Variants in IRAK2 observed in about 807,000 individuals in gnomAD.
IRAK2 encodes interleukin-1 receptor-associated kinase-like 2.
IRAK2 carries 57 observed loss-of-function variants against 72.0 expected under a neutral mutation model. The observed-to-expected ratio is 0.79, with a 90% CI of 0.64 to 0.99. The LOEUF (loss-of-function observed/expected upper bound fraction) is 0.99. IRAK2 is among the 50% of genes least tolerant of loss of function. The pLI is 0.00. For synonymous variants in IRAK2, 293 were observed against 312.7 expected, an observed-to-expected ratio of 0.94 and a Z score of 0.67; for missense variants, 790 against 794.4, an observed-to-expected ratio of 0.99 and a Z score of 0.07.
At chr3:10,226,288 A>G in intron 9 of IRAK2, 83 bp from the exon 10 acceptor site, 4 of 1,165,788 alleles carry the variant, frequency 3.4e-6, no homozygotes, top group Non-Finnish European at 2.5e-6. Flanking sequence ...GGAGCTCAGA[A>G]CTGAGAAGAG....
At chr3:10,175,074 A>G (rs1369922667) in intron 1 of IRAK2, among the ~76,000 whole-genome samples, 3 of 151,950 alleles carry the variant, frequency 2.0e-5, no homozygotes, top group Admixed American at 6.6e-5. Flanking sequence ...CACCTGGGCA[A>G]CAGAGTGACA....
Position 10,213,410 on chromosome 3 carries a change from T to G in IRAK2, c.723+9T>G. ...TCAAGAAGCTCAGAGAGGTGAGCAC[T>G]TCTTGGTTTCTAGTGGGGGTGGAGG... On this transcript the variant is annotated intron_variant, in intron 5 of 12. Coordinates refer to ENST00000256458, the MANE Select transcript of IRAK2 (RefSeq NM_001570.4). 1 of 1,613,914 alleles carries G rather than the reference T, an allele frequency of 6.2e-7. No homozygotes were observed.
intron 3 of IRAK2, among the ~76,000 whole-genome samples, chr3:10,208,982 C>T (rs1697476728): frequency 6.6e-6 from 1 of 152,038 alleles, no homozygotes; most frequent in Non-Finnish European, 1.5e-5. Context: ...TACTGCCCCA[C>T]CTCTGCATGG....
At chr3:10,187,398 G>T (rs1159788786) in intron 2 of IRAK2, among the ~76,000 whole-genome samples, 1 of 152,126 alleles carries the variant, frequency 6.6e-6, no homozygotes, top group Non-Finnish European at 1.5e-5. Context: ...TCACCCTCTG[G>T]GTCAGACAGG....
At chr3:10,236,342 GTTT>G (rs34423993) in intron 11 of IRAK2, among the ~76,000 whole-genome samples, 122 of 99,662 alleles carry the variant, frequency 1.2e-3, no homozygotes, top group Middle Eastern at 7.2e-3. Flanking sequence ...AGCCACTAAG[GTTT>G]TTTTTTTTTT....
intron 2 of IRAK2, among the ~76,000 whole-genome samples, chr3:10,184,490 C>CCCTTTTTATCCTCTCCTCTCCACTTTCA: frequency 6.6e-6 from 1 of 151,722 alleles, no homozygotes; most frequent in African/African-American, 2.4e-5. Flanking sequence ...TGATGTGTAG[C>CCCTTTTTATCCTCTCCTCTCCACTTTCA]CTTCTCTAAT....
chr3:10,174,474 G>T (rs1349103710), intron 1 of IRAK2, among the ~76,000 whole-genome samples: 1 of 152,102 alleles, frequency 6.6e-6, no homozygotes, highest in Non-Finnish European at 1.5e-5. Flanking sequence ...TTCATCTCTT[G>T]CCTTCCCTTC....
chr3:10,213,653 G>A, intron 6 of IRAK2, 105 bp downstream of exon 6: 1 of 831,930 alleles, frequency 1.2e-6, no homozygotes, highest in Non-Finnish European at 2.0e-6. Flanking sequence ...AACTCATTTA[G>A]TCCTTACAAG....
intron 1 of IRAK2, among the ~76,000 whole-genome samples, chr3:10,177,455 TA>T (rs1696893682): frequency 6.6e-6 from 1 of 152,070 alleles, no homozygotes; most frequent in Non-Finnish European, 1.5e-5. Flanking sequence ...TCTGGGGAAG[TA>T]ACAGTGAACC....
chr3:10,228,293 T>G lies in IRAK2; in HGVS notation c.1272+1860T>G, dbSNP rs1329041092. ...CAGAAGCATCCCCTGGGCTCTGGGG[T>G]AGGGAGGCTGAAGGCCTCGCTACTC... On this transcript the variant is annotated intron_variant, in intron 10 of 12. Transcript: ENST00000256458. Among the ~76,000 whole-genome samples the G allele has an allele frequency of 2.0e-5, 3 of 152,060 alleles. No individual in the cohort carries two copies. The East Asian group carries it at 5.8e-4, about 29-fold the overall frequency.
intron 3 of IRAK2, among the ~76,000 whole-genome samples, chr3:10,201,569 TACTC>T (rs1697361486): frequency 6.6e-6 from 1 of 152,254 alleles, no homozygotes; most frequent in Non-Finnish European, 1.5e-5. Context: ...CTAAGCATCA[TACTC>T]ACTGCTATCC....
intron 8 of IRAK2, among the ~76,000 whole-genome samples, chr3:10,221,222 C>G (rs1459065087): frequency 7.1e-6 from 1 of 140,810 alleles, no homozygotes; most frequent in African/African-American, 2.7e-5. Context: ...GAAACCTCGT[C>G]TCTACTAAAA....
chr3:10,209,328 A>G (rs1288323620), intron 3 of IRAK2, among the ~76,000 whole-genome samples: 2 of 152,160 alleles, frequency 1.3e-5, no homozygotes, highest in Non-Finnish European at 2.9e-5. Context: ...GGTCCTGAGC[A>G]CTGCGTCTAC....
At chr3:10,215,111 G>T (rs112170505) in intron 6 of IRAK2, among the ~76,000 whole-genome samples, 2 of 151,118 alleles carry the variant, frequency 1.3e-5, no homozygotes, top group East Asian at 1.9e-4. Flanking sequence ...TAAAGGCCAG[G>T]CATGGTGGCT....
intron 2 of IRAK2, among the ~76,000 whole-genome samples, chr3:10,183,156 CAT>C (rs1199307727): frequency 6.6e-6 from 1 of 152,186 alleles, no homozygotes; most frequent in Non-Finnish European, 1.5e-5. Flanking sequence ...AAGTCCTGGA[CAT>C]GAAGTGGCTT....
chr3:10,209,756 A>C, intron 4 of IRAK2, 64 bp downstream of exon 4: 1 of 1,032,448 alleles, frequency 9.7e-7, no homozygotes, highest in Non-Finnish European at 1.4e-6. Context: ...CCCTCTCAAA[A>C]ATGCAATTTC....
intron 2 of IRAK2, among the ~76,000 whole-genome samples, chr3:10,194,443 C>T (rs1246701165): frequency 6.6e-6 from 1 of 152,242 alleles, no homozygotes; most frequent in Non-Finnish European, 1.5e-5. Context: ...AGTCCGTGAG[C>T]AGCTCACTCC....
rs1406662544 is a variant in IRAK2, at chr3:10,212,848, TCC to T, written c.529-358_529-357del. Among the ~76,000 whole-genome samples the T allele has an allele frequency of 7.0e-3, 1,023 of 146,148 alleles. 8 individuals carry two copies. The highest frequency in any genetic ancestry group is 0.012 in the Non-Finnish European group (795 of 67,114). On this transcript the variant is annotated intron_variant, in intron 4 of 12. Coordinates refer to ENST00000256458, the MANE Select transcript of IRAK2 (RefSeq NM_001570.4). ...GGCGCGATCTCGGCTCACTGCAAGC[TCC>T]GCCTCCTGGGTTCACCCCATTCTCC... is the stretch of plus-strand genomic sequence containing the variant.
At chr3:10,207,591 T>A (rs1208704258) in intron 3 of IRAK2, among the ~76,000 whole-genome samples, 1 of 152,054 alleles carries the variant, frequency 6.6e-6, no homozygotes, top group African/African-American at 2.4e-5. Context: ...AATCTTCACA[T>A]GGGGCCTAGT....
Sources: allele counts gnomAD v4.1 joint callset (sites outside exome capture counted in the v4.1 genomes callset), GRCh38; gene constraint gnomAD v4.1.1; transcripts MANE v1.5; gene names NCBI Gene and HGNC (gene_info 2026-07-23, HGNC 2026-07-21).